MTRFR: variants seen among roughly 807,000 people sequenced by gnomAD.
The protein encoded by MTRFR is mitochondrial translation release factor in rescue.
In MTRFR, 10 loss-of-function variants were observed where a neutral mutation model predicts 11.9. The observed-to-expected ratio is 0.84, with a 90% CI of 0.52 to 1.42. The LOEUF is 1.42. Ranked by LOEUF, MTRFR falls within the 40% of genes most tolerant of loss-of-function variation. The probability of loss-of-function intolerance (pLI) is 0.00; values close to 1 mark genes in which losing one functional copy is unlikely to be tolerated. For missense variants in MTRFR, 196 were observed against 197.9 expected (o/e 0.99, Z 0.06); for synonymous variants, 77 against 79.1 (o/e 0.97, Z 0.14).
intron 1 of MTRFR, among the ~76,000 whole-genome samples, chr12:123,235,456 C>G (rs2047831355): frequency 6.6e-6 from 1 of 152,044 alleles, no homozygotes; most frequent in African/African-American, 2.4e-5. Flanking sequence ...GCTCCGCCCC[C>G]CAGGTTCACG....
intron 1 of MTRFR, chr12:123,251,461 G>T (rs2048110690): frequency 6.6e-6 from 1 of 152,292 alleles, no homozygotes; most frequent in South Asian, 2.1e-4. Context: ...GGATCCCTGT[G>T]GTGCCAGGCA....
chr12:123,256,899 AAAC>A lies in MTRFR; in HGVS notation c.371_373del (p.Asn124del), dbSNP rs1195098928. 2 of 1,613,950 alleles carry A rather than the reference AAAC, an allele frequency of 1.2e-6. No individual in the cohort carries two copies. On this transcript the variant is annotated inframe_deletion, in exon 3 of 3. Transcript: ENST00000253233. ...AAGTAGATGTTTTCTACAATGGTGA[AAAC>A]AGTCCTGTTCACAAAGAAAAACGAG...
intron 2 of MTRFR, chr12:123,255,177 C>G (rs1405744405): frequency 6.6e-6 from 1 of 152,194 alleles, no homozygotes; most frequent in East Asian, 1.9e-4. Flanking sequence ...GGTGTGGAAT[C>G]TGGGACATAG....
intron 2 of MTRFR, 52 bp downstream of exon 2, chr12:123,254,008 G>A (rs759390146): frequency 3.7e-6 from 6 of 1,603,184 alleles, no homozygotes; most frequent in South Asian, 1.1e-5. Context: ...GGGTTCCACA[G>A]CCTCCAGAGA....
chr12:123,253,107 T>TTTTTTTTTTTTTTTTTTTTTTTTTTTTTG lies in MTRFR; in HGVS notation c.-28-540_-28-539insTTTTTTTTTTTTTTTTTTTTTTTTTTTTG, dbSNP rs766114484. Reference sequence around the variant, plus strand: ...TTTTTTTTTTTTTTTTTTTTTTTTTTGAGACACTGTCTCGCTCTGTTGTCC... The same window carrying TTTTTTTTTTTTTTTTTTTTTTTTTTTTTG: ...TTTTTTTTTTTTTTTTTTTTTTTTTTTTTTTTTTTTTTTTTTTTTTTTTTTTTTGGAGACACTGTCTCGCTCTGTTGTCC... On this transcript the variant is annotated intron_variant, in intron 1 of 2. Coordinates refer to ENST00000253233, the MANE Select transcript of MTRFR (RefSeq NM_152269.5). Among the ~76,000 whole-genome samples the TTTTTTTTTTTTTTTTTTTTTTTTTTTTTG allele has an allele frequency of 2.5e-4, 16 of 63,314 alleles. 3 individuals carry two copies. The highest frequency in any genetic ancestry group is 4.4e-4 in the Non-Finnish European group (13 of 29,418). The allele number at this position is 63,314 out of a possible 152,430, so 41.5% of individuals were successfully genotyped here.
In MTRFR at chr12:123,257,053, C is replaced by G; in HGVS notation, c.*22C>G. The stretch of plus-strand genomic sequence containing the variant: ...CTGAGAAAAGAATTAGAGATTCCAA[C>G]TGACAGAATCTGCCAGAAGCTCCCA... On this transcript the variant is annotated 3_prime_UTR_variant, in exon 3 of 3. Coordinates refer to ENST00000253233, the MANE Select transcript of MTRFR (RefSeq NM_152269.5). The G allele has an allele frequency of 8.9e-6, 14 of 1,572,622 alleles. No homozygotes were observed. The highest frequency in any genetic ancestry group is 1.1e-5 in the Non-Finnish European group (13 of 1,144,472).
chr12:123,254,130 C>T, intron 2 of MTRFR, 174 bp downstream of exon 2: 3 of 738,648 alleles, frequency 4.1e-6, no homozygotes, highest in Non-Finnish European at 6.5e-6. Flanking sequence ...ATCCCTGAGC[C>T]ATTCCTCCCT....
intron 1 of MTRFR, among the ~76,000 whole-genome samples, chr12:123,253,220 T>C (rs1206149622): frequency 1.3e-5 from 2 of 151,366 alleles, no homozygotes; most frequent in African/African-American, 4.9e-5. Flanking sequence ...TTTTGTATTT[T>C]TAGTAGAGAT....
At chr12:123,239,000 G>A (rs1387729317) in intron 1 of MTRFR, among the ~76,000 whole-genome samples, 1 of 152,212 alleles carries the variant, frequency 6.6e-6, no homozygotes, top group Non-Finnish European at 1.5e-5. Flanking sequence ...GCTGGGTGCA[G>A]TGGCTCACAC....
Position 123,257,133 on chromosome 12 carries a change from A to G in MTRFR, c.*102A>G. ...GCATTATTATAGTGCTTCAAAAGAAATATTTTTGATGAACTTAAAAGACAA... is the reference window on the plus strand; with the variant it reads ...GCATTATTATAGTGCTTCAAAAGAAGTATTTTTGATGAACTTAAAAGACAA... On this transcript the variant is annotated 3_prime_UTR_variant, in exon 3 of 3. Coordinates refer to ENST00000253233, the MANE Select transcript of MTRFR (RefSeq NM_152269.5). 1.1e-6 allele frequency: 1 copy of G among 914,316 alleles called. No homozygotes were observed. Among genetic ancestry groups the G allele is most frequent in the South Asian group, 1.4e-5 (1 of 70,268 alleles). 56.6% of individuals were successfully genotyped at this position (914,316 alleles called of 1,614,324 possible).
At chr12:123,256,424 C>T (rs1404463568) in intron 2 of MTRFR, among the ~76,000 whole-genome samples, 1 of 152,196 alleles carries the variant, frequency 6.6e-6, no homozygotes, top group East Asian at 1.9e-4. Flanking sequence ...CTGTCACTGA[C>T]TCATGGGGAC....
chr12:123,256,918 G>A lies in MTRFR; in HGVS notation c.388G>A (p.Glu130Lys). ...YNGENSPVHK[E>K]KREAAKKKQE... ...TGGTGAAAACAGTCCTGTTCACAAA[G>A]AAAAACGAGAAGCGGCGAAGAAAAA... Residue 130 changes from glutamate (E) to lysine (K), a missense_variant, in exon 3 of 3, where the codon GAA becomes AAA. By Grantham distance (56) the Glu-to-Lys change is moderately conservative (BLOSUM62 1). Coordinates refer to ENST00000253233, the MANE Select transcript of MTRFR (RefSeq NM_152269.5). 1 of 1,613,496 alleles carries A rather than the reference G, an allele frequency of 6.2e-7. No homozygotes were observed. Among genetic ancestry groups the A allele is most frequent in the Non-Finnish European group, 8.5e-7 (1 of 1,179,872 alleles).
chr12:123,237,067 A>T (rs10744150), intron 1 of MTRFR, among the ~76,000 whole-genome samples: 2 of 151,728 alleles, frequency 1.3e-5, no homozygotes, highest in East Asian at 1.9e-4. Flanking sequence ...GCTGGGTGAC[A>T]GAGTGAGACT....
chr12:123,246,282 A>G (rs1225470095), intron 1 of MTRFR, among the ~76,000 whole-genome samples: 1 of 151,630 alleles, frequency 6.6e-6, no homozygotes, highest in African/African-American at 2.4e-5. Context: ...TGAACTCCCA[A>G]TCTCAGGTGA....
At chr12:123,234,552 C>T (rs1412018992) in intron 1 of MTRFR, among the ~76,000 whole-genome samples, 1 of 152,062 alleles carries the variant, frequency 6.6e-6, no homozygotes. Flanking sequence ...CCCGCCACCA[C>T]ATCCGGCTAA....
intron 1 of MTRFR, chr12:123,253,276 G>T (rs768311388): frequency 2.5e-4 from 69 of 277,722 alleles, no homozygotes; most frequent in Non-Finnish European, 4.2e-4. Flanking sequence ...CTGACCTTGT[G>T]ATCCACCTGC....
chr12:123,245,320 C>T (rs960920679), intron 1 of MTRFR, among the ~76,000 whole-genome samples: 4 of 152,262 alleles, frequency 2.6e-5, no homozygotes, highest in Admixed American at 6.5e-5. Flanking sequence ...AATATGATGC[C>T]TCCAGATTTG....
intron 2 of MTRFR, 94 bp from the exon 3 acceptor site, chr12:123,256,718 TA>T: frequency 1.0e-6 from 1 of 972,028 alleles, no homozygotes; most frequent in Non-Finnish European, 1.6e-6. Flanking sequence ...AAATAGTAAA[TA>T]AAAAAGCGAA....
At chr12:123,238,787 A>C (rs553992641) in intron 1 of MTRFR, among the ~76,000 whole-genome samples, 1 of 152,232 alleles carries the variant, frequency 6.6e-6, no homozygotes, top group South Asian at 2.1e-4. Flanking sequence ...TGAAATCTTC[A>C]TTCCTAACCA....
Sources: gnomAD v4.1 joint callset for allele counts (sites outside exome capture counted in the v4.1 genomes callset) on GRCh38, gnomAD v4.1.1 for gene constraint, MANE v1.5 for transcripts, NCBI Gene and HGNC (gene_info 2026-07-23, HGNC 2026-07-21) for gene names.